Variants in VGLL4 observed in about 807,000 individuals in gnomAD.
VGLL4 encodes transcription cofactor vestigial-like protein 4.
A neutral mutation model predicts 21.0 loss-of-function variants in VGLL4; 7 were observed. The ratio of observed to expected loss-of-function variants is 0.33; its 90% CI spans 0.19 to 0.63. VGLL4 has a LOEUF of 0.63. Ranked by LOEUF, VGLL4 falls within the 20% of genes least tolerant of loss-of-function variation. The pLI is 0.78. For missense variants in VGLL4, 394 were observed against 425.7 expected, an observed-to-expected ratio of 0.93 and a Z score of 0.66; for synonymous variants, 222 against 173.2, an observed-to-expected ratio of 1.28 and a Z score of -2.21.
At position 11,602,036 on chromosome 3, in the gene VGLL4, G is replaced by C. The variant is rs976143639; in HGVS notation, c.83-14C>G. 6.6e-7 allele frequency: 1 copy of C among 1,525,770 alleles called. No individual in the cohort carries two copies. Among genetic ancestry groups the C allele is most frequent in the South Asian group, 1.3e-5 (1 of 77,698 alleles). 94.5% of individuals were successfully genotyped at this position (1,525,770 alleles called of 1,614,324 possible). ...GAGCAGCTTCGCCTACGCAGAGAGA[G>C]ATGATGTAGTCACTAAGCAGGAGAA... is the stretch of plus-strand genomic sequence containing the variant. On this transcript the variant is annotated splice_polypyrimidine_tract_variant and intron_variant, in intron 1 of 4. Coordinates refer to ENST00000430365, the MANE Select transcript of VGLL4 (RefSeq NM_001128219.3).
intron 4 of VGLL4, 77 bp from the exon 5 acceptor site, chr3:11,558,904 C>G: frequency 2.6e-6 from 4 of 1,529,540 alleles, no homozygotes; most frequent in Non-Finnish European, 3.5e-6. Context: ...CACCCTCCCT[C>G]AGGCAGCCCA....
chr3:11,680,863 C>T (rs2076358248), intron 2 of VGLL4, among the ~76,000 whole-genome samples: 1 of 152,198 alleles, frequency 6.6e-6, no homozygotes, highest in Admixed American at 6.5e-5. Flanking sequence ...AGTATGGCAC[C>T]TGGTGTGGCA....
chr3:11,663,579 G>A (rs151251487), intron 2 of VGLL4, among the ~76,000 whole-genome samples: 3,743 of 152,216 alleles, frequency 0.025, 147 homozygotes, highest in African/African-American at 0.083. Context: ...TTAGCCAGGC[G>A]TGGTGGTGGG....
intron 3 of VGLL4, among the ~76,000 whole-genome samples, chr3:11,561,132 C>T (rs189767679): frequency 6.6e-6 from 1 of 152,152 alleles, no homozygotes; most frequent in Non-Finnish European, 1.5e-5. Flanking sequence ...GAGACCCCCC[C>T]CCAGGGTCCT....
Position 11,719,607 on chromosome 3 carries a change from C to T in VGLL4, c.-14+787G>A, listed in dbSNP as rs1482171906. ...CACACGCACGCGCGGACCGGGCCGG[C>T]GGACGGGAGCGCGGGAGCGCGAGGA... On this transcript the variant is annotated intron_variant, in intron 1 of 5. Transcript: ENST00000273038. The surrounding 1 kb of genome is among the most constrained non-coding windows in gnomAD (Gnocchi z 4.0). 3 of 152,150 alleles carry T rather than the reference C, an allele frequency of 2.0e-5. No homozygotes were observed. Among genetic ancestry groups the T allele is most frequent in the Non-Finnish European group, 4.4e-5 (3 of 68,088 alleles). The allele number at this position is 152,150 out of a possible 1,614,324, so 9.4% of individuals were successfully genotyped here.
chr3:11,620,562 C>G (rs1382513055), intron 1 of VGLL4, among the ~76,000 whole-genome samples: 1 of 152,256 alleles, frequency 6.6e-6, no homozygotes, highest in Non-Finnish European at 1.5e-5. Context: ...AGACCTGCCA[C>G]TACCAAAACT....
In VGLL4 at chr3:11,704,673, T is replaced by C. The variant is rs1206070781; in HGVS notation, c.-13-1626A>G. On this transcript the variant is annotated intron_variant, in intron 1 of 5. Transcript: ENST00000273038. ...TATGGTAAATAAGTTTGAGGAAGCC[T>C]GGAGTAAACCAAGCTAAGCAGCGTA... Among the ~76,000 whole-genome samples, 3 of 152,166 alleles carry C rather than the reference T, an allele frequency of 2.0e-5. No individual in the cohort carries two copies. In the East Asian group the frequency reaches 5.8e-4, roughly 29 times the overall value.
intron 2 of VGLL4, among the ~76,000 whole-genome samples, chr3:11,571,977 C>G (rs1418989385): frequency 6.6e-6 from 1 of 152,168 alleles, no homozygotes; most frequent in Non-Finnish European, 1.5e-5. Context: ...CGTGGTGTCA[C>G]GTACCTGCAG....
At chr3:11,567,380 G>GT (rs1316464618) in intron 2 of VGLL4, among the ~76,000 whole-genome samples, 2 of 152,016 alleles carry the variant, frequency 1.3e-5, no homozygotes, top group Non-Finnish European at 2.9e-5. Flanking sequence ...CGTTTATGGG[G>GT]TTTTTTTCTT....
At chr3:11,685,077 G>A (rs994974918) in intron 2 of VGLL4, among the ~76,000 whole-genome samples, 1 of 152,062 alleles carries the variant, frequency 6.6e-6, no homozygotes, top group African/African-American at 2.4e-5. Context: ...GTGAGAATGT[G>A]AGGTATTTGG....
intron 1 of VGLL4, among the ~76,000 whole-genome samples, chr3:11,639,355 C>A (rs907033318): frequency 6.6e-6 from 1 of 152,364 alleles, no homozygotes; most frequent in East Asian, 1.9e-4. Flanking sequence ...CAGAGCAGCA[C>A]GAAGAGCACC....
chr3:11,558,945 G>A (rs976209111), intron 4 of VGLL4, 118 bp from the exon 5 acceptor site: 2 of 1,271,146 alleles, frequency 1.6e-6, no homozygotes, highest in African/African-American at 1.5e-5. Context: ...GTCAGCGTGG[G>A]CTCTGCAGAC....
rs184748614 is a variant in VGLL4 at position 11,582,760 on chromosome 3, G to A, written c.273-17741C>T. ...CACGATGCATGCAACTCCACAGCAG[G>A]GCTGCAGCCGGCCCCTCAGAGAAGG... On this transcript the variant is annotated intron_variant, in intron 2 of 4. Transcript: ENST00000430365. Among the ~76,000 whole-genome samples, 9 of 152,280 alleles carry A rather than the reference G, an allele frequency of 5.9e-5. No individual in the cohort carries two copies. The East Asian group carries it at 1.7e-3, about 29-fold the overall frequency.
intron 2 of VGLL4, among the ~76,000 whole-genome samples, chr3:11,571,020 G>A (rs1391477161): frequency 6.6e-6 from 1 of 152,212 alleles, no homozygotes; most frequent in Non-Finnish European, 1.5e-5. Context: ...GCAAAGGAAG[G>A]CCTGGGTGAA....
At chr3:11,640,729 C>G (rs1370841613) in intron 1 of VGLL4, among the ~76,000 whole-genome samples, 1 of 152,098 alleles carries the variant, frequency 6.6e-6, no homozygotes, top group South Asian at 2.1e-4. Context: ...CACATCTAAG[C>G]AATATGGAGT....
At position 11,655,587 on chromosome 3, in the gene VGLL4, T is replaced by C. The variant is rs191352277; in HGVS notation, c.64+47384A>G. Among the ~76,000 whole-genome samples, 283 of 152,306 alleles carry C rather than the reference T, an allele frequency of 1.9e-3. 1 individual carries two copies. The highest frequency in any genetic ancestry group is 6.4e-3 in the African/African-American group (268 of 41,560). ...GAATAGGACTTGAAATGGATAAACC[T>C]ACCAACACTTGACTGCAGTGAGCCC... On this transcript the variant is annotated intron_variant, in intron 2 of 5. Transcript: ENST00000273038.
Position 11,573,279 on chromosome 3 carries a change from GAAA to G in VGLL4, c.273-8263_273-8261del, listed in dbSNP as rs2073874992. On this transcript the variant is annotated intron_variant, in intron 2 of 4. Coordinates refer to ENST00000430365, the MANE Select transcript of VGLL4 (RefSeq NM_001128219.3). ...AGAAAGAAAGAAAGAAAGAAAGAAA[GAAA>G]GAAAGAAAGAAAGAAAGAAAGAAAG... Among the ~76,000 whole-genome samples the G allele has an allele frequency of 5.2e-4, 8 of 15,484 alleles. No homozygotes were observed. In the East Asian group the frequency reaches 5.4e-3, roughly 10 times the overall value. The allele number at this position is 15,484 out of a possible 152,430, so 10.2% of individuals were successfully genotyped here.
intron 2 of VGLL4, among the ~76,000 whole-genome samples, chr3:11,665,109 T>A (rs1286781928): frequency 1.7e-5 from 2 of 115,524 alleles, no homozygotes; most frequent in Admixed American, 9.0e-5. Flanking sequence ...TTCTTTTTTT[T>A]TTTTTTTTTT....
upstream of VGLL4, among the ~76,000 whole-genome samples, chr3:11,645,739 A>C (rs1170234428): frequency 1.3e-5 from 2 of 152,026 alleles, no homozygotes; most frequent in African/African-American, 4.8e-5. Context: ...TGGGAGACTG[A>C]GACGGGCGGA....
Sources: gnomAD v4.1 joint callset for allele counts (sites outside exome capture counted in the v4.1 genomes callset) on GRCh38, gnomAD v4.1.1 for gene constraint, Gnocchi (gnomAD v3.1) non-coding constraint, MANE v1.5 for transcripts, NCBI Gene and HGNC (gene_info 2026-07-23, HGNC 2026-07-21) for gene names.